OPCML: variants seen among roughly 807,000 people sequenced by gnomAD.
OPCML encodes the protein opioid binding protein/cell adhesion molecule like.
In OPCML, 13 loss-of-function variants were observed where a neutral mutation model predicts 37.8. The ratio of observed to expected loss-of-function variants is 0.34; its 90% CI spans 0.22 to 0.55. The LOEUF (loss-of-function observed/expected upper bound fraction) is 0.55, where lower values mean the gene tolerates loss of function less well. Ranked by LOEUF, OPCML falls within the 20% of genes least tolerant of loss-of-function variation. The probability of loss-of-function intolerance (pLI) is 0.91; values close to 1 mark genes in which losing one functional copy is unlikely to be tolerated. For missense variants in OPCML, 341 were observed against 435.6 expected (o/e 0.78, Z 1.93); for synonymous variants, 176 against 168.8 (o/e 1.04, Z -0.33).
intron 1 of OPCML, among the ~76,000 whole-genome samples, chr11:133,153,109 C>G (rs1434894137): frequency 2.0e-5 from 3 of 152,112 alleles, no homozygotes; most frequent in Admixed American, 1.3e-4. Context: ...GCTTTGGCAT[C>G]TGGATCAGGA....
chr11:133,037,579 T>C (rs950504276), intron 1 of OPCML, among the ~76,000 whole-genome samples: 7 of 152,192 alleles, frequency 4.6e-5, no homozygotes, highest in Non-Finnish European at 8.8e-5. Flanking sequence ...GCCACCTTTT[T>C]AGAGAGCGAG....
At chr11:132,707,137 A>G (rs780023564) in intron 2 of OPCML, among the ~76,000 whole-genome samples, 59 of 152,204 alleles carry the variant, frequency 3.9e-4, no homozygotes, top group Admixed American at 3.3e-4. Context: ...AAAAGGATCA[A>G]GGGGGTTTTG....
At chr11:132,830,976 T>G (rs1940649696) in intron 2 of OPCML, among the ~76,000 whole-genome samples, 1 of 152,114 alleles carries the variant, frequency 6.6e-6, no homozygotes, top group South Asian at 2.1e-4. Context: ...TATGTCTATG[T>G]GAGGCAAGGT....
intron 2 of OPCML, among the ~76,000 whole-genome samples, chr11:132,818,515 G>A (rs1351398856): frequency 1.3e-5 from 2 of 151,426 alleles, no homozygotes; most frequent in African/African-American, 4.9e-5. Flanking sequence ...CCAGCCTGCC[G>A]CCCACCCTGC....
intron 1 of OPCML, among the ~76,000 whole-genome samples, chr11:133,136,498 G>A (rs574584190): frequency 6.6e-6 from 1 of 152,296 alleles, no homozygotes; most frequent in South Asian, 2.1e-4. Context: ...GGAGCAGAAA[G>A]TGTCTTGGAA....
chr11:132,575,511 TA>T (rs1220934490), intron 3 of OPCML, among the ~76,000 whole-genome samples: 1 of 152,084 alleles, frequency 6.6e-6, no homozygotes, highest in Non-Finnish European at 1.5e-5. Context: ...TAATGACATG[TA>T]AAAACTCTGC....
In OPCML at chr11:132,503,826, C is replaced by T. The variant is rs540932758; in HGVS notation, c.505+25235G>A. 2.0e-5 allele frequency among the ~76,000 whole-genome samples: 3 copies of T among 151,884 alleles called. No individual in the cohort carries two copies. In the East Asian group the frequency reaches 5.8e-4, roughly 29 times the overall value. On this transcript the variant is annotated intron_variant, in intron 4 of 7. Transcript: ENST00000524381. ...CATAAAGAAAAAGAAGAAAAATCAT[C>T]TTTATTTAAAATAGATATGGTTTTC...
At chr11:132,900,501 A>C (rs1221800499) in intron 2 of OPCML, among the ~76,000 whole-genome samples, 1 of 152,184 alleles carries the variant, frequency 6.6e-6, no homozygotes, top group African/African-American at 2.4e-5. Context: ...CATTGCAGCC[A>C]AAATTATCTT....
At chr11:132,988,753 A>G (rs747223449) in intron 1 of OPCML, among the ~76,000 whole-genome samples, 1 of 152,238 alleles carries the variant, frequency 6.6e-6, no homozygotes, top group Non-Finnish European at 1.5e-5. Flanking sequence ...GATAAAATAA[A>G]TTCATGCCTC....
At chr11:133,083,319 C>G (rs1262549428) in intron 1 of OPCML, among the ~76,000 whole-genome samples, 3 of 152,174 alleles carry the variant, frequency 2.0e-5, no homozygotes, top group African/African-American at 7.2e-5. Context: ...TGAGCTGCCC[C>G]TCTCCGAGGC....
chr11:132,499,384 C>T (rs1256371538), intron 4 of OPCML, among the ~76,000 whole-genome samples: 1 of 152,178 alleles, frequency 6.6e-6, no homozygotes, highest in Non-Finnish European at 1.5e-5. Flanking sequence ...GGCTTGTCAG[C>T]AGCTGGAGGG....
At chr11:133,337,031 TCA>T (rs1475684471) in intron 1 of OPCML, among the ~76,000 whole-genome samples, 5 of 152,186 alleles carry the variant, frequency 3.3e-5, no homozygotes, top group Non-Finnish European at 7.4e-5. Flanking sequence ...CAGAATGGCC[TCA>T]CACAGGCACA....
chr11:133,083,694 C>T (rs1220032507), intron 1 of OPCML, among the ~76,000 whole-genome samples: 4 of 152,204 alleles, frequency 2.6e-5, no homozygotes, highest in Non-Finnish European at 5.9e-5. Context: ...CTTTGGAACA[C>T]GGCCTCGCCA....
chr11:133,528,737 T>C (rs1046632935), intron 1 of OPCML, among the ~76,000 whole-genome samples: 3 of 152,154 alleles, frequency 2.0e-5, no homozygotes, highest in African/African-American at 7.2e-5. Flanking sequence ...AGAGATGAAG[T>C]TGTACCCAGA....
At chr11:132,491,893 G>A (rs145310671) in intron 4 of OPCML, among the ~76,000 whole-genome samples, 1 of 150,616 alleles carries the variant, frequency 6.6e-6, no homozygotes, top group African/African-American at 2.4e-5. Context: ...GGAACTTGGA[G>A]ATATTGTAGG....
chr11:133,284,291 G>T (rs1303956273), intron 1 of OPCML, among the ~76,000 whole-genome samples: 1 of 152,200 alleles, frequency 6.6e-6, no homozygotes, highest in African/African-American at 2.4e-5. Flanking sequence ...CTCGTCAGAG[G>T]CCCCTCTGGC....
At chr11:133,098,603 C>G (rs1475672320) in intron 1 of OPCML, among the ~76,000 whole-genome samples, 1 of 152,120 alleles carries the variant, frequency 6.6e-6, no homozygotes, top group Non-Finnish European at 1.5e-5. Flanking sequence ...TCAATAGATG[C>G]ATTTTACAAA....
At chr11:132,745,632 TTC>T (rs1333946625) in intron 2 of OPCML, among the ~76,000 whole-genome samples, 1 of 151,698 alleles carries the variant, frequency 6.6e-6, no homozygotes, top group East Asian at 1.9e-4. Flanking sequence ...GTCTTAAGCT[TTC>T]TCTCTTTCTT....
At chr11:132,745,563 C>CAA (rs10562857) in intron 2 of OPCML, among the ~76,000 whole-genome samples, 6 of 102,990 alleles carry the variant, frequency 5.8e-5, no homozygotes, top group East Asian at 8.3e-4. Context: ...TGCTGTCTTG[C>CAA]AAAAAAAAAA....
Sources: allele counts gnomAD v4.1 joint callset (sites outside exome capture counted in the v4.1 genomes callset), GRCh38; gene constraint gnomAD v4.1.1; transcripts MANE v1.5; gene names NCBI Gene and HGNC (gene_info 2026-07-23, HGNC 2026-07-21).